Variants in PLA2G4E observed in about 807,000 individuals in gnomAD.
PLA2G4E encodes the protein cytosolic phospholipase A2 epsilon.
In PLA2G4E, 84 loss-of-function variants were observed where a neutral mutation model predicts 109.1. The ratio of observed to expected loss-of-function variants is 0.77; its 90% confidence interval spans 0.65 to 0.92. The LOEUF (loss-of-function observed/expected upper bound fraction) is 0.92. Ranked by LOEUF, PLA2G4E falls within the 40% of genes least tolerant of loss-of-function variation. The probability of loss-of-function intolerance (pLI) is 0.00; values close to 1 mark genes in which losing one functional copy is unlikely to be tolerated. For missense variants in PLA2G4E, 1,057 were observed against 1,076.6 expected, an observed-to-expected ratio of 0.98 and a Z score of 0.25; for synonymous variants, 469 against 436.1, an observed-to-expected ratio of 1.08 and a Z score of -0.94.
intron 1 of PLA2G4E, among the ~76,000 whole-genome samples, 200 bp from the exon 1 acceptor site, chr15:42,021,242 C>G (rs1043468756): frequency 1.3e-5 from 2 of 151,844 alleles, no homozygotes; most frequent in Non-Finnish European, 2.9e-5. Context: ...GGGCTCTGGT[C>G]TTTGGGGTCA....
chr15:42,046,435 C>T (rs1055102693), intron 1 of PLA2G4E, among the ~76,000 whole-genome samples: 2 of 152,204 alleles, frequency 1.3e-5, no homozygotes, highest in Admixed American at 6.5e-5. Flanking sequence ...AAAAGGTCAA[C>T]CTTGTGTCCA....
exon 11 of PLA2G4E, chr15:41,997,224 A>G (rs1206060716): frequency 6.5e-7 from 1 of 1,550,256 alleles, no homozygotes; most frequent in South Asian, 1.2e-5. Context: ...TGCTGGGCAC[A>G]GGCTGAAGCC....
intron 1 of PLA2G4E, among the ~76,000 whole-genome samples, chr15:42,047,484 G>T (rs1463599829): frequency 6.6e-6 from 1 of 152,168 alleles, no homozygotes; most frequent in African/African-American, 2.4e-5. Flanking sequence ...ATCCATGAGG[G>T]CAGCAGCCTC....
chr15:41,986,017 G>A lies in PLA2G4E; in HGVS notation c.2036-12C>T, dbSNP rs768975025. On this transcript the variant is annotated splice_polypyrimidine_tract_variant and intron_variant, in intron 17 of 19. Transcript: ENST00000399518. ...ATCTAGCACTGTGTCTGAAAGCCAA[G>A]CCTTCCCGTTACCAACACACCTGGT... 6 of 1,581,792 alleles carry A rather than the reference G, an allele frequency of 3.8e-6. No individual in the cohort carries two copies. The Admixed American group carries it at 1.1e-4, about 28-fold the overall frequency.
At chr15:42,010,428 C>T (rs1325173670) in intron 2 of PLA2G4E, among the ~76,000 whole-genome samples, 2 of 152,232 alleles carry the variant, frequency 1.3e-5, no homozygotes, top group Admixed American at 1.3e-4. Flanking sequence ...CAGACACCCA[C>T]ATTCCAAGCA....
chr15:42,044,141 C>T (rs1192438469), intron 1 of PLA2G4E, among the ~76,000 whole-genome samples: 1 of 152,152 alleles, frequency 6.6e-6, no homozygotes, highest in Non-Finnish European at 1.5e-5. Context: ...TGGGAAGCTT[C>T]TAGTGAAGTA....
exon 10 of PLA2G4E, chr15:41,999,557 T>C: frequency 3.1e-6 from 5 of 1,612,138 alleles, no homozygotes; most frequent in Non-Finnish European, 4.2e-6. Context: ...TTCATAACTC[T>C]CACCCTGGGG....
chr15:42,043,949 C>A (rs1889363031), intron 1 of PLA2G4E, among the ~76,000 whole-genome samples: 1 of 152,078 alleles, frequency 6.6e-6, no homozygotes, highest in South Asian at 2.1e-4. Flanking sequence ...TGCTACAGGA[C>A]AAATAAATTG....
At chr15:41,985,971 G>A (rs550408300) in exon 18 of PLA2G4E, 28 of 1,601,488 alleles carry the variant, frequency 1.7e-5, no homozygotes, top group African/African-American at 1.5e-4. Context: ...TCGCGGACTC[G>A]GTCAGCTGGT....
At chr15:42,008,650 C>T (rs980738257) in intron 2 of PLA2G4E, among the ~76,000 whole-genome samples, 2 of 152,224 alleles carry the variant, frequency 1.3e-5, no homozygotes, top group African/African-American at 4.8e-5. Context: ...CCACCTGGAG[C>T]AACAGAAGGG....
In PLA2G4E at chr15:41,987,386, G is replaced by A. The variant is rs1566834419; in HGVS notation, c.1832-11C>T. ...GGATCGGCTCGTCTTCTGCAGGGGA[G>A]GGAGGGATGAAGGGCAGGTCATGAG... On this transcript the variant is annotated splice_polypyrimidine_tract_variant and intron_variant, in intron 16 of 19. Transcript: ENST00000399518. 1 of 1,611,344 alleles carries A rather than the reference G, an allele frequency of 6.2e-7. No homozygotes were observed. Among genetic ancestry groups the A allele is most frequent in the Non-Finnish European group, 8.5e-7 (1 of 1,178,388 alleles).
At chr15:42,001,282 G>A (rs1466659863) in intron 6 of PLA2G4E, 62 bp from the exon 7 acceptor site, 1 of 1,465,532 alleles carries the variant, frequency 6.8e-7, no homozygotes, top group East Asian at 2.3e-5. Flanking sequence ...TGCTCTTCCA[G>A]GCTGAAGGGA....
intron 2 of PLA2G4E, among the ~76,000 whole-genome samples, chr15:42,008,404 AC>A (rs1259109589): frequency 6.6e-6 from 1 of 151,766 alleles, no homozygotes; most frequent in Non-Finnish European, 1.5e-5. Context: ...AGGAGCAGGA[AC>A]CCCCATCTCC....
chr15:42,015,152 C>G (rs995987630), intron 1 of PLA2G4E, among the ~76,000 whole-genome samples: 2 of 152,156 alleles, frequency 1.3e-5, no homozygotes, highest in Non-Finnish European at 2.9e-5. Flanking sequence ...CCACGTCCCT[C>G]CCGAGCTGCC....
intron 2 of PLA2G4E, among the ~76,000 whole-genome samples, chr15:42,008,302 A>C (rs893133685): frequency 4.6e-5 from 7 of 152,216 alleles, no homozygotes; most frequent in Non-Finnish European, 1.0e-4. Flanking sequence ...AGGAGAAGTG[A>C]GGATGAGAAG....
intron 17 of PLA2G4E, among the ~76,000 whole-genome samples, 196 bp from the exon 18 acceptor site, chr15:41,986,201 G>T (rs1415052448): frequency 6.6e-6 from 1 of 152,134 alleles, no homozygotes; most frequent in East Asian, 1.9e-4. Flanking sequence ...GTCTTTTATG[G>T]GATATTGATA....
chr15:41,997,289 C>T, intron 10 of PLA2G4E, 30 bp from the exon 11 acceptor site: 1 of 1,514,618 alleles, frequency 6.6e-7, no homozygotes, highest in Non-Finnish European at 8.9e-7. Flanking sequence ...TGTATTGGGC[C>T]TGCAGCCTCT....
intron 15 of PLA2G4E, among the ~76,000 whole-genome samples, chr15:41,989,066 GCCCCTTA>G (rs2068197053): frequency 6.6e-6 from 1 of 152,154 alleles, no homozygotes; most frequent in African/African-American, 2.4e-5. Context: ...TGGTGACCCT[GCCCCTTA>G]CCCTGTGGTC....
At chr15:42,038,230 A>G (rs1010305419) in intron 1 of PLA2G4E, among the ~76,000 whole-genome samples, 2 of 152,216 alleles carry the variant, frequency 1.3e-5, no homozygotes, top group Non-Finnish European at 2.9e-5. Flanking sequence ...GTGGTCCCCA[A>G]CGTTTTGGCA....
Sources: gnomAD v4.1 joint callset for allele counts (sites outside exome capture counted in the v4.1 genomes callset) on GRCh38, gnomAD v4.1.1 for gene constraint, MANE v1.5 for transcripts, NCBI Gene and HGNC (gene_info 2026-07-23, HGNC 2026-07-21) for gene names.